Variants in TMIGD3 observed in about 807,000 individuals in gnomAD.
TMIGD3 encodes transmembrane and immunoglobulin domain containing 3, also known as AD026 protein (AD026).
In TMIGD3, 21 loss-of-function variants were observed where a neutral mutation model predicts 28.1. The observed-to-expected ratio is 0.75, with a 90% confidence interval of 0.53 to 1.08. The LOEUF is 1.08. Among genes scored for constraint, TMIGD3 ranks in the 50% least tolerant of loss-of-function variants. TMIGD3 has a pLI of 0.00. For synonymous variants in TMIGD3, 151 were observed against 162.1 expected, an observed-to-expected ratio of 0.93 and a Z score of 0.52; for missense variants, 416 against 435.6, an observed-to-expected ratio of 0.96 and a Z score of 0.40.
intron 1 of TMIGD3, 62 bp downstream of exon 1, chr1:111,502,943 T>C: frequency 6.3e-7 from 1 of 1,585,952 alleles, no homozygotes; most frequent in Admixed American, 1.7e-5. Context: ...GTCTGGGCTC[T>C]GGGCTTTGTA....
chr1:111,497,850 T>C (rs955825263), intron 1 of TMIGD3, among the ~76,000 whole-genome samples: 8 of 152,208 alleles, frequency 5.3e-5, no homozygotes, highest in South Asian at 4.1e-4. Context: ...GGCAACGTAG[T>C]GTACAACGTA....
intron 1 of TMIGD3, among the ~76,000 whole-genome samples, chr1:111,537,305 T>C (rs1656670578): frequency 6.6e-6 from 1 of 152,196 alleles, no homozygotes; most frequent in South Asian, 2.1e-4. Context: ...GGACTATCCT[T>C]TTAAATGTTG....
At chr1:111,552,149 G>A (rs959461554) in intron 1 of TMIGD3, among the ~76,000 whole-genome samples, 3 of 152,158 alleles carry the variant, frequency 2.0e-5, no homozygotes, top group African/African-American at 7.2e-5. Context: ...TTTAGGGCTG[G>A]GCAAGCTCTG....
intron 1 of TMIGD3, among the ~76,000 whole-genome samples, chr1:111,528,022 AT>A (rs200696519): frequency 3.3e-4 from 49 of 149,572 alleles, no homozygotes; most frequent in East Asian, 9.8e-4. Flanking sequence ...TAGCTTGTCA[AT>A]TTTTTTTTTC....
At chr1:111,546,922 C>T (rs1462369944) in intron 1 of TMIGD3, among the ~76,000 whole-genome samples, 3 of 152,156 alleles carry the variant, frequency 2.0e-5, no homozygotes, top group Non-Finnish European at 4.4e-5. Context: ...TCCATATCGT[C>T]ACCAACATTG....
chr1:111,524,615 C>T (rs1656200516), intron 1 of TMIGD3, among the ~76,000 whole-genome samples: 1 of 151,732 alleles, frequency 6.6e-6, no homozygotes, highest in Admixed American at 6.6e-5. Flanking sequence ...CTAATTTATG[C>T]CCCCTACCCC....
rs997929111 is a variant in TMIGD3 at position 111,551,584 on chromosome 1, T to C, written c.107+12262A>G. On this transcript the variant is annotated intron_variant, in intron 1 of 5. Coordinates refer to the TMIGD3 transcript ENST00000369717. ...TACTTCTTAATACATTGTTTTTCCA[T>C]CAATATAAATTTATAATTATTGCTT... is the stretch of plus-strand genomic sequence containing the variant. Among the ~76,000 whole-genome samples the C allele has an allele frequency of 3.9e-5, 6 of 152,320 alleles. No homozygotes were observed. The South Asian group carries it at 1.0e-3, about 26-fold the overall frequency.
chr1:111,500,830 G>A, intron 1 of TMIGD3: 2 of 523,704 alleles, frequency 3.8e-6, no homozygotes, highest in Admixed American at 3.5e-5. Flanking sequence ...GAATGGATAA[G>A]GAGGATGTTG....
intron 1 of TMIGD3, among the ~76,000 whole-genome samples, chr1:111,495,686 T>C (rs1016553872): frequency 1.3e-5 from 2 of 152,144 alleles, no homozygotes; most frequent in African/African-American, 4.8e-5. Context: ...CCCAAAGAAA[T>C]ATAAATTGTT....
chr1:111,522,859 T>A (rs147112867), intron 1 of TMIGD3, among the ~76,000 whole-genome samples: 1 of 152,332 alleles, frequency 6.6e-6, no homozygotes, highest in South Asian at 2.1e-4. Flanking sequence ...ATTACTAGAA[T>A]AGAGAAATAC....
At chr1:111,522,762 C>T (rs376482411) in intron 1 of TMIGD3, among the ~76,000 whole-genome samples, 14 of 152,052 alleles carry the variant, frequency 9.2e-5, no homozygotes, top group East Asian at 5.8e-4. Flanking sequence ...GTGATCTGCC[C>T]GCCTCGGCCT....
chr1:111,553,001 G>A (rs953030638), intron 1 of TMIGD3, among the ~76,000 whole-genome samples: 7 of 152,178 alleles, frequency 4.6e-5, no homozygotes, highest in African/African-American at 1.4e-4. Context: ...ACTGACAACA[G>A]GTAAGAGCTC....
intron 1 of TMIGD3, among the ~76,000 whole-genome samples, chr1:111,518,912 T>C (rs922816751): frequency 5.9e-5 from 9 of 151,970 alleles, no homozygotes; most frequent in Admixed American, 5.9e-4. Flanking sequence ...CTAGGAATAT[T>C]TTCATTTTTT....
chr1:111,561,131 T>G (rs190397392), intron 1 of TMIGD3, among the ~76,000 whole-genome samples: 1 of 152,242 alleles, frequency 6.6e-6, no homozygotes, highest in Non-Finnish European at 1.5e-5. Context: ...TTGGTTTGTT[T>G]GTTTGTTTTT....
intron 1 of TMIGD3, chr1:111,500,022 C>G: frequency 6.2e-7 from 1 of 1,614,142 alleles, no homozygotes; most frequent in Non-Finnish European, 8.5e-7. Flanking sequence ...CTTTGAGGAT[C>G]AAAAGGTAGG....
At chr1:111,519,127 C>G (rs559763672) in intron 1 of TMIGD3, among the ~76,000 whole-genome samples, 2 of 152,022 alleles carry the variant, frequency 1.3e-5, no homozygotes, top group Non-Finnish European at 2.9e-5. Flanking sequence ...TTAGTAGAGA[C>G]GAGGTTTCAC....
intron 1 of TMIGD3, among the ~76,000 whole-genome samples, chr1:111,502,423 T>C (rs1295073133): frequency 7.1e-6 from 1 of 141,462 alleles, no homozygotes; most frequent in Non-Finnish European, 1.5e-5. Context: ...TGAATATATA[T>C]AGGATACATA....
intron 1 of TMIGD3, among the ~76,000 whole-genome samples, chr1:111,560,689 A>T (rs1197651096): frequency 6.6e-6 from 1 of 151,976 alleles, no homozygotes; most frequent in Non-Finnish European, 1.5e-5. Context: ...ACAGGGACCC[A>T]CTTTGTTGCC....
chr1:111,489,621 T>A, intron 2 of TMIGD3: 1 of 1,166,260 alleles, frequency 8.6e-7, no homozygotes, highest in East Asian at 8.4e-5. Flanking sequence ...TATGGAGGCC[T>A]CCTACCATTG....
Sources: allele counts gnomAD v4.1 joint callset (sites outside exome capture counted in the v4.1 genomes callset), GRCh38; gene constraint gnomAD v4.1.1; transcripts MANE v1.5; gene names NCBI Gene and HGNC (gene_info 2026-07-23, HGNC 2026-07-21).